The following ZNF605 variants were observed in gnomAD, a reference collection of about 807,000 sequenced individuals.
ZNF605 encodes zinc finger protein 605.
ZNF605 carries 9 observed loss-of-function variants against 7.9 expected under a neutral mutation model. The ratio of observed to expected loss-of-function variants is 1.14; its 90% CI spans 0.68 to 1.98. The LOEUF (loss-of-function observed/expected upper bound fraction) is 1.98, where lower values mean the gene tolerates loss of function less well. Among genes scored for constraint, ZNF605 ranks in the 30% most tolerant of loss-of-function variants. The probability of loss-of-function intolerance (pLI) is 0.00; values close to 1 mark genes in which losing one functional copy is unlikely to be tolerated. For missense variants in ZNF605, 673 were observed against 762.4 expected (o/e 0.88, Z 1.38); for synonymous variants, 255 against 260.1 (o/e 0.98, Z 0.19).
At chr12:132,939,016 C>T (rs908354069) in intron 3 of ZNF605, among the ~76,000 whole-genome samples, 21 of 151,570 alleles carry the variant, frequency 1.4e-4, no homozygotes, top group African/African-American at 2.7e-4. Flanking sequence ...ACCTGCAGCC[C>T]ACCATGCCTG....
Position 132,925,770 on chromosome 12 carries a change from C to A in ZNF605, c.1529G>T (p.Cys510Phe). The A allele has an allele frequency of 1.2e-6, 2 of 1,614,040 alleles. No individual in the cohort carries two copies. Among genetic ancestry groups the A allele is most frequent in the Non-Finnish European group, 1.7e-6 (2 of 1,179,954 alleles). ...TGEKPFECSE[C>F]RKAFAWKPQL... ...TGGCTTCCAGGCAAAAGCTTTCCTA[C>A]ATTCACTACATTCAAAGGGCTTTTC... The change falls in exon 5 of 5, where the codon TGT becomes TTT. Residue 510 changes from cysteine (C) to phenylalanine (F), a missense_variant. Physicochemically the swap from Cys to Phe is radical, Grantham distance 205. Coordinates refer to ENST00000360187, the MANE Select transcript of ZNF605 (RefSeq NM_183238.4).
intron 4 of ZNF605, among the ~76,000 whole-genome samples, chr12:132,930,457 T>C (rs1365003511): frequency 6.6e-6 from 1 of 152,180 alleles, no homozygotes; most frequent in African/African-American, 2.4e-5. Flanking sequence ...ACTGTATGAG[T>C]GTAGGGAACA....
chr12:132,933,124 G>A lies in ZNF605; in HGVS notation c.47C>T (p.Thr16Met). Residue 16 changes from threonine (T) to methionine (M), a missense_variant, in exon 4 of 5, where the codon ACG (threonine) becomes ATG (methionine). By Grantham distance (81) the Thr-to-Met change is moderately conservative. Coordinates refer to ENST00000360187, the MANE Select transcript of ZNF605 (RefSeq NM_183238.4). This position sits in a 1 kb window ranked among gnomAD's most constrained non-coding sequence, Gnocchi z 4.4. ...ATTAAGTAGCTGCCATTCCTCCAGC[G>A]TGAAATCCACAGCCACATCCTCAAA... ...ISFEDVAVDF[T>M]LEEWQLLNPT... 14 of 1,610,932 alleles carry A rather than the reference G, an allele frequency of 8.7e-6. No individual in the cohort carries two copies. The highest frequency in any genetic ancestry group is 2.2e-5 in the South Asian group (2 of 90,674).
chr12:132,950,208 G>T (rs1243259193), intron 1 of ZNF605, among the ~76,000 whole-genome samples: 1 of 152,068 alleles, frequency 6.6e-6, no homozygotes, highest in East Asian at 1.9e-4. Flanking sequence ...GAATGCAGAG[G>T]GGACCTCCTC....
In ZNF605 at chr12:132,918,602, G is replaced by A. The variant is rs1381956470; in HGVS notation, c.*6771C>T. On this transcript the variant is annotated 3_prime_UTR_variant, in exon 5 of 5. Transcript: ENST00000360187. Reference sequence around the variant, plus strand: ...CCTTGTTTTCTCTTTTTTTGAGACGGAGTCTCACTCTGTTGCTCAGGCTGG... The same window carrying A: ...CCTTGTTTTCTCTTTTTTTGAGACGAAGTCTCACTCTGTTGCTCAGGCTGG... The A allele has an allele frequency of 6.6e-6, 1 of 152,208 alleles. No individual in the cohort carries two copies. Among genetic ancestry groups the A allele is most frequent in the Non-Finnish European group, 1.5e-5 (1 of 68,088 alleles). The allele number at this position is 152,208 out of a possible 1,614,324, so 9.4% of individuals were successfully genotyped here.
intron 3 of ZNF605, among the ~76,000 whole-genome samples, chr12:132,940,046 A>G (rs1952419660): frequency 6.6e-6 from 1 of 152,158 alleles, no homozygotes; most frequent in East Asian, 1.9e-4. Context: ...GAGCTGTAAC[A>G]CTCACCGCGA....
intron 3 of ZNF605, among the ~76,000 whole-genome samples, chr12:132,943,230 C>T (rs1166142472): frequency 6.6e-6 from 1 of 151,838 alleles, no homozygotes; most frequent in Non-Finnish European, 1.5e-5. Flanking sequence ...GGGTGTGGTA[C>T]CGCCTGTAGT....
intron 3 of ZNF605, among the ~76,000 whole-genome samples, chr12:132,936,184 C>T (rs764958729): frequency 2.0e-4 from 30 of 149,834 alleles, no homozygotes; most frequent in Non-Finnish European, 2.7e-4. Context: ...AATGAAAGTA[C>T]GAAAAATAAT....
At chr12:132,936,734 A>C (rs1428849628) in intron 3 of ZNF605, among the ~76,000 whole-genome samples, 1 of 152,080 alleles carries the variant, frequency 6.6e-6, no homozygotes, top group African/African-American at 2.4e-5. Context: ...AATGGATCAC[A>C]GACCTAAACA....
intron 3 of ZNF605, among the ~76,000 whole-genome samples, chr12:132,939,309 G>A (rs112197824): frequency 0.022 from 3,329 of 152,056 alleles, 123 homozygotes; most frequent in African/African-American, 0.075. Flanking sequence ...AGGTTTGTGA[G>A]TGCACCAATC....
At chr12:132,952,599 C>T (rs1417480019) in intron 1 of ZNF605, among the ~76,000 whole-genome samples, 2 of 151,702 alleles carry the variant, frequency 1.3e-5, no homozygotes, top group African/African-American at 4.8e-5. Context: ...AAGGCTGGGC[C>T]GACCACACCA....
In ZNF605 at chr12:132,933,393, A is replaced by G. The variant is rs1440082891; in HGVS notation, c.16-238T>C. 3.3e-5 allele frequency among the ~76,000 whole-genome samples: 5 copies of G among 152,200 alleles called. No individual in the cohort carries two copies. Among genetic ancestry groups the G allele is most frequent in the Non-Finnish European group, 7.3e-5 (5 of 68,034 alleles). ...ACTTCCAAGACTAGGTTAGAAAGAA[A>G]TGCAACTTCTATCCTGGGCACTCTC... On this transcript the variant is annotated intron_variant, in intron 3 of 4. Transcript: ENST00000360187. This position sits in a 1 kb window ranked among gnomAD's most constrained non-coding sequence, Gnocchi z 4.4.
chr12:132,945,307 A>T, intron 3 of ZNF605: 1 of 948,206 alleles, frequency 1.1e-6, no homozygotes, highest in Non-Finnish European at 1.7e-6. Flanking sequence ...GCTTCTTTGG[A>T]CATCTTCTTT....
chr12:132,933,954 C>G lies in ZNF605; in HGVS notation c.16-799G>C, dbSNP rs1952332238. Among the ~76,000 whole-genome samples, 1 of 152,212 alleles carries G rather than the reference C, an allele frequency of 6.6e-6. No homozygotes were observed. Among genetic ancestry groups the G allele is most frequent in the African/African-American group, 2.4e-5 (1 of 41,456 alleles). ...ATGCCTGGCCTCTGTCTGCTAATGACAGTAATATCTCTCAGTCACTGGCTG... is the reference window on the plus strand; with the variant it reads ...ATGCCTGGCCTCTGTCTGCTAATGAGAGTAATATCTCTCAGTCACTGGCTG... On this transcript the variant is annotated intron_variant, in intron 3 of 4. Transcript: ENST00000360187. This position sits in a 1 kb window ranked among gnomAD's most constrained non-coding sequence, Gnocchi z 4.4.
At chr12:132,944,072 C>A (rs1420284835) in intron 3 of ZNF605, among the ~76,000 whole-genome samples, 1 of 152,128 alleles carries the variant, frequency 6.6e-6, no homozygotes, top group Non-Finnish European at 1.5e-5. Flanking sequence ...TCCTTTATCA[C>A]AAACCCTTGT....
rs753822428 is a variant in ZNF605 at position 132,925,526 on chromosome 12, A to G, written c.1773T>C (p.Cys591=). The G allele has an allele frequency of 2.5e-6, 4 of 1,614,158 alleles. No individual in the cohort carries two copies. The Admixed American group carries it at 6.7e-5, about 27-fold the overall frequency. The change falls in exon 5 of 5, where the codon TGT becomes TGC. Residue 591 remains cysteine (C), a synonymous_variant. Coordinates refer to ENST00000360187, the MANE Select transcript of ZNF605 (RefSeq NM_183238.4). ...TTGTGAAAGATTTCCCACATTCACC[A>G]CATTTATATGGTCTCTCTCCTGTAT... is the stretch of plus-strand genomic sequence containing the variant. The part of the protein sequence containing the change: ...RIHTGERPYK[C]GECGKSFTRK...
Position 132,925,273 on chromosome 12 carries a change from C to T in ZNF605, c.*100G>A. The T allele has an allele frequency of 1.2e-6, 1 of 840,968 alleles. No individual in the cohort carries two copies. The highest frequency in any genetic ancestry group is 1.8e-6 in the Non-Finnish European group (1 of 557,220). 52.1% of individuals were successfully genotyped at this position (840,968 alleles called of 1,614,324 possible). ...CCTCAATTCAAGCTTTTTCAACAGTCACTGCCTCAATAGGGTTTCTCTCCC... is the reference window on the plus strand; with the variant it reads ...CCTCAATTCAAGCTTTTTCAACAGTTACTGCCTCAATAGGGTTTCTCTCCC... On this transcript the variant is annotated 3_prime_UTR_variant, in exon 5 of 5. Transcript: ENST00000360187.
At position 132,921,250 on chromosome 12, in the gene ZNF605, TGTG is replaced by T. The variant is rs1362777510; in HGVS notation, c.*4120_*4122del. 3 of 152,192 alleles carry T rather than the reference TGTG, an allele frequency of 2.0e-5. No homozygotes were observed. Among genetic ancestry groups the T allele is most frequent in the African/African-American group, 7.2e-5 (3 of 41,452 alleles). 9.4% of individuals were successfully genotyped at this position (152,192 alleles called of 1,614,324 possible). A position where few individuals can be genotyped will look rare whatever the true frequency, so the allele number is the denominator to read the frequency against. On this transcript the variant is annotated 3_prime_UTR_variant, in exon 5 of 5. Coordinates refer to ENST00000360187, the MANE Select transcript of ZNF605 (RefSeq NM_183238.4). ...CCTCCCCAAGCACTGGGATTACAGG[TGTG>T]AGACACCACCCCCAGTTGAAAAGTT...
intron 3 of ZNF605, among the ~76,000 whole-genome samples, chr12:132,936,419 G>A (rs7964123): frequency 0.014 from 2,121 of 152,186 alleles, 52 homozygotes; most frequent in African/African-American, 0.046. Flanking sequence ...TGCTGCCTAC[G>A]AAAGAGGCAC....
Sources: allele counts gnomAD v4.1 joint callset (sites outside exome capture counted in the v4.1 genomes callset), GRCh38; gene constraint gnomAD v4.1.1; non-coding constraint Gnocchi (gnomAD v3.1); transcripts MANE v1.5; gene names NCBI Gene and HGNC (gene_info 2026-07-23, HGNC 2026-07-21).